The following ATP8A1 variants were observed in gnomAD, a reference collection of about 807,000 sequenced individuals.
ATP8A1 encodes ATPase phospholipid transporting 8A1.
In ATP8A1, 90 loss-of-function variants were observed where a neutral mutation model predicts 177.7. The ratio of observed to expected loss-of-function variants is 0.51; its 90% CI spans 0.43 to 0.60. The LOEUF (loss-of-function observed/expected upper bound fraction) is 0.60. Ranked by LOEUF, ATP8A1 falls within the 20% of genes least tolerant of loss-of-function variation. The probability of loss-of-function intolerance (pLI) is 0.00; values close to 1 mark genes in which losing one functional copy is unlikely to be tolerated. For synonymous variants in ATP8A1, 493 were observed against 485.9 expected, an observed-to-expected ratio of 1.01 and a Z score of -0.19; for missense variants, 1,072 against 1,392.8, an observed-to-expected ratio of 0.77 and a Z score of 3.67.
intron 15 of ATP8A1, among the ~76,000 whole-genome samples, chr4:42,558,308 A>G (rs1396890987): frequency 6.6e-6 from 1 of 152,222 alleles, no homozygotes; most frequent in Non-Finnish European, 1.5e-5. Context: ...CAACATCAAC[A>G]TTTGGTTACA....
At chr4:42,507,809 A>AAAAAAAAC (rs1477576809) in intron 22 of ATP8A1, among the ~76,000 whole-genome samples, 1 of 139,374 alleles carries the variant, frequency 7.2e-6, no homozygotes, top group African/African-American at 2.9e-5. Context: ...AAAAAAAAAA[A>AAAAAAAAC]CATACAAACA....
At chr4:42,640,087 C>T (rs1053414874) in intron 1 of ATP8A1, among the ~76,000 whole-genome samples, 4 of 152,182 alleles carry the variant, frequency 2.6e-5, no homozygotes, top group African/African-American at 9.7e-5. Flanking sequence ...GGAGGGCCAC[C>T]TGCACTCTCC....
rs146578518 is a variant in ATP8A1, at chr4:42,635,804, TATATATAC to T, written c.50-8703_50-8696del. Reference sequence around the variant, plus strand: ...ACACATATATATATATATATATATATATATATACACATGTATGTATGTATGTAAGCTTC... The same window carrying T: ...ACACATATATATATATATATATATATACATGTATGTATGTATGTAAGCTTC... On this transcript the variant is annotated intron_variant, in intron 1 of 36. Transcript: ENST00000381668. 9.8e-4 allele frequency among the ~76,000 whole-genome samples: 112 copies of T among 114,496 alleles called. 5 individuals carry two copies. The highest frequency in any genetic ancestry group is 3.2e-3 in the African/African-American group (86 of 26,966). The allele number at this position is 114,496 out of a possible 152,430, so 75.1% of individuals were successfully genotyped here. A position where few individuals can be genotyped will look rare whatever the true frequency, so the allele number is the denominator to read the frequency against.
At chr4:42,617,308 G>C (rs1039035989) in intron 4 of ATP8A1, among the ~76,000 whole-genome samples, 2 of 152,172 alleles carry the variant, frequency 1.3e-5, no homozygotes, top group Admixed American at 6.5e-5. Context: ...AAGAATTGTT[G>C]AGAATGATTC....
intron 6 of ATP8A1, among the ~76,000 whole-genome samples, chr4:42,594,914 A>G (rs1734576574): frequency 6.6e-6 from 1 of 152,164 alleles, no homozygotes; most frequent in African/African-American, 2.4e-5. Context: ...TGAAACTATC[A>G]ATGTATTTTA....
chr4:42,486,710 T>G (rs1017215076), intron 24 of ATP8A1, among the ~76,000 whole-genome samples: 7 of 152,204 alleles, frequency 4.6e-5, no homozygotes, highest in Admixed American at 4.6e-4. Context: ...TATCCCATGG[T>G]GGGCCCATAA....
At chr4:42,533,884 T>C (rs1288454662) in intron 20 of ATP8A1, among the ~76,000 whole-genome samples, 2 of 152,146 alleles carry the variant, frequency 1.3e-5, no homozygotes, top group Admixed American at 1.3e-4. Flanking sequence ...GCCCAGAGTC[T>C]GGTATCTCTG....
chr4:42,610,248 C>G lies in ATP8A1; in HGVS notation c.409+5785G>C, dbSNP rs1392619683. Among the ~76,000 whole-genome samples the G allele has an allele frequency of 2.6e-5, 4 of 150,976 alleles. No individual in the cohort carries two copies. The East Asian group carries it at 7.8e-4, about 29-fold the overall frequency. On this transcript the variant is annotated intron_variant, in intron 5 of 36. Transcript: ENST00000381668. ...ATTTCCTGTAGGACAAGTATGATTT[C>G]TCTTTGCATTTTCTACACAGGGTCC...
chr4:42,471,781 C>A, intron 25 of ATP8A1: 1 of 446,120 alleles, frequency 2.2e-6, no homozygotes. Flanking sequence ...CAAGCTCTTC[C>A]TAGGCTGGCG....
intron 27 of ATP8A1, chr4:42,459,426 CT>C: frequency 4.4e-6 from 1 of 225,402 alleles, no homozygotes; most frequent in Non-Finnish European, 9.4e-6. Context: ...ATAAAATTAA[CT>C]TTTTATAAGC....
At chr4:42,569,130 T>C (rs1313841333) in intron 15 of ATP8A1, 31 bp downstream of exon 15, 1 of 1,552,760 alleles carries the variant, frequency 6.4e-7, no homozygotes, top group African/African-American at 1.4e-5. Context: ...TTTATAGGGA[T>C]CAATGAGGCA....
At chr4:42,534,755 G>C (rs1030634364) in intron 20 of ATP8A1, among the ~76,000 whole-genome samples, 2 of 152,104 alleles carry the variant, frequency 1.3e-5, no homozygotes, top group African/African-American at 2.4e-5. Flanking sequence ...TAAGAGCTAT[G>C]AGGCAAAAAC....
chr4:42,442,514 T>C (rs1716741761), intron 33 of ATP8A1, among the ~76,000 whole-genome samples: 2 of 152,206 alleles, frequency 1.3e-5, no homozygotes, highest in Non-Finnish European at 2.9e-5. Context: ...ACAATATATG[T>C]TTCAAAAGAA....
At chr4:42,634,378 T>C (rs969444775) in intron 1 of ATP8A1, among the ~76,000 whole-genome samples, 5 of 152,252 alleles carry the variant, frequency 3.3e-5, no homozygotes, top group East Asian at 1.9e-4. Flanking sequence ...TTGGGTTACA[T>C]GTATTGTTCA....
At chr4:42,509,648 C>T (rs1259926590) in intron 22 of ATP8A1, among the ~76,000 whole-genome samples, 1 of 152,014 alleles carries the variant, frequency 6.6e-6, no homozygotes, top group East Asian at 1.9e-4. Flanking sequence ...ATCACGAGAT[C>T]GAGACCATCC....
At chr4:42,596,666 CA>C (rs71648737) in intron 6 of ATP8A1, among the ~76,000 whole-genome samples, 135 of 74,026 alleles carry the variant, frequency 1.8e-3, no homozygotes, top group African/African-American at 3.2e-3. Flanking sequence ...GACTCCATCT[CA>C]AAAAAAAAAA....
intron 20 of ATP8A1, among the ~76,000 whole-genome samples, chr4:42,543,139 T>C (rs940794540): frequency 6.6e-6 from 1 of 152,206 alleles, no homozygotes; most frequent in Non-Finnish European, 1.5e-5. Context: ...TTGCATTTCA[T>C]TGTCTTTAAA....
chr4:42,626,985 T>C lies in ATP8A1; in HGVS notation c.164+10A>G. Reference sequence around the variant, plus strand: ...TGGCTGGTCTCATGGCATTCTTTGGTAGTTCTTACCTGACATGGTTATTGC... The same window carrying C: ...TGGCTGGTCTCATGGCATTCTTTGGCAGTTCTTACCTGACATGGTTATTGC... On this transcript the variant is annotated intron_variant, in intron 2 of 36. Coordinates refer to ENST00000381668, the MANE Select transcript of ATP8A1 (RefSeq NM_006095.2). The C allele has an allele frequency of 6.2e-7, 1 of 1,604,782 alleles. No individual in the cohort carries two copies. Among genetic ancestry groups the C allele is most frequent in the Non-Finnish European group, 8.5e-7 (1 of 1,171,582 alleles).
At chr4:42,445,393 C>A (rs765374463) in intron 31 of ATP8A1, among the ~76,000 whole-genome samples, 1 of 152,138 alleles carries the variant, frequency 6.6e-6, no homozygotes, top group Non-Finnish European at 1.5e-5. Context: ...GCTTACCAAT[C>A]TTACAGAGAT....
Sources: gnomAD v4.1 joint callset for allele counts (sites outside exome capture counted in the v4.1 genomes callset) on GRCh38, gnomAD v4.1.1 for gene constraint, MANE v1.5 for transcripts, NCBI Gene and HGNC (gene_info 2026-07-23, HGNC 2026-07-21) for gene names.